Variants in SYNPO2 observed in about 807,000 individuals in gnomAD.
The protein encoded by SYNPO2 is synaptopodin-2.
A neutral mutation model predicts 85.0 loss-of-function variants in SYNPO2; 56 were observed. The observed-to-expected ratio is 0.66, with a 90% CI of 0.53 to 0.82. The LOEUF is 0.82. Among genes scored for constraint, SYNPO2 ranks in the 40% least tolerant of loss-of-function variants. SYNPO2 has a pLI of 0.00. For missense variants in SYNPO2, 1,575 were observed against 1,534.2 expected, an observed-to-expected ratio of 1.03 and a Z score of -0.44; for synonymous variants, 602 against 591.1, an observed-to-expected ratio of 1.02 and a Z score of -0.27.
At chr4:118,946,172 A>G (rs1734497066) in intron 1 of SYNPO2, among the ~76,000 whole-genome samples, 1 of 152,206 alleles carries the variant, frequency 6.6e-6, no homozygotes, top group Non-Finnish European at 1.5e-5. Context: ...TGAAAGAAAA[A>G]AAAAGGGAGG....
At chr4:118,935,003 T>C (rs1734053526) in intron 1 of SYNPO2, among the ~76,000 whole-genome samples, 1 of 152,204 alleles carries the variant, frequency 6.6e-6, no homozygotes, top group South Asian at 2.1e-4. Flanking sequence ...ATAGTTAAGA[T>C]AGTTATCCTA....
rs1739313205 is a variant in SYNPO2, at chr4:119,058,924, A to C, written c.*990A>C. The C allele has an allele frequency of 6.6e-6, 1 of 152,210 alleles. No homozygotes were observed. The highest frequency in any genetic ancestry group is 2.4e-5 in the African/African-American group (1 of 41,460). The allele number at this position is 152,210 out of a possible 1,614,324, so 9.4% of individuals were successfully genotyped here. On this transcript the variant is annotated 3_prime_UTR_variant, in exon 5 of 5. Coordinates refer to ENST00000307142, the MANE Select transcript of SYNPO2 (RefSeq NM_133477.3). Reference sequence around the variant, plus strand: ...TTGAGGAATGATGTGATGTGTAGAGAATAGAAAGATTTAGATATATGCCTG... The same window carrying C: ...TTGAGGAATGATGTGATGTGTAGAGCATAGAAAGATTTAGATATATGCCTG...
chr4:118,939,317 C>T (rs762364027), intron 1 of SYNPO2, among the ~76,000 whole-genome samples: 1 of 152,160 alleles, frequency 6.6e-6, no homozygotes, highest in Non-Finnish European at 1.5e-5. Flanking sequence ...AGAGCACAGT[C>T]TTAAGTTGCT....
rs933959574 is a variant in SYNPO2 at position 118,948,776 on chromosome 4, G to A, written c.105+59635G>A. On this transcript the variant is annotated intron_variant, in intron 1 of 4. Transcript: ENST00000307142. The stretch of plus-strand genomic sequence containing the variant: ...GCACCAAGACATTCATGAGTGATTC[G>A]TTCCCATGATCCAGACACCTCCCAC... Among the ~76,000 whole-genome samples the A allele has an allele frequency of 4.6e-5, 7 of 152,228 alleles. No homozygotes were observed. The South Asian group carries it at 1.0e-3, about 23-fold the overall frequency.
chr4:118,927,103 T>G (rs991011093), intron 1 of SYNPO2, among the ~76,000 whole-genome samples: 15 of 152,110 alleles, frequency 9.9e-5, no homozygotes, highest in Non-Finnish European at 2.1e-4. Context: ...TCCCTCTCCT[T>G]TTTTCTTTTC....
At chr4:118,998,593 A>G (rs1208881929) in intron 1 of SYNPO2, among the ~76,000 whole-genome samples, 1 of 152,200 alleles carries the variant, frequency 6.6e-6, no homozygotes, top group Non-Finnish European at 1.5e-5. Context: ...GTTACATCTC[A>G]CAGAGAAAGT....
intron 1 of SYNPO2, among the ~76,000 whole-genome samples, chr4:118,894,189 T>C (rs890342143): frequency 2.0e-5 from 3 of 151,964 alleles, no homozygotes; most frequent in African/African-American, 4.8e-5. Context: ...CCCATAGGGC[T>C]TGACGGGTGG....
chr4:118,888,623 A>G (rs779799619), upstream of SYNPO2, among the ~76,000 whole-genome samples: 78 of 152,314 alleles, frequency 5.1e-4, no homozygotes, highest in Middle Eastern at 3.4e-3. Flanking sequence ...AAGTTTTTCA[A>G]TCATACTTAT....
intron 1 of SYNPO2, among the ~76,000 whole-genome samples, chr4:118,914,217 A>T (rs1217103343): frequency 6.6e-6 from 1 of 152,182 alleles, no homozygotes; most frequent in Non-Finnish European, 1.5e-5. Context: ...TTTAATTTTA[A>T]ATAAATTGAA....
chr4:118,967,198 C>A (rs1465491807), intron 1 of SYNPO2, among the ~76,000 whole-genome samples: 1 of 152,162 alleles, frequency 6.6e-6, no homozygotes, highest in Non-Finnish European at 1.5e-5. Flanking sequence ...TTAGCTCCCA[C>A]TCTATACTGC....
intron 1 of SYNPO2, among the ~76,000 whole-genome samples, chr4:118,872,941 G>A (rs1006633521): frequency 6.6e-6 from 1 of 152,104 alleles, no homozygotes; most frequent in Non-Finnish European, 1.5e-5. Context: ...TTCTGTCTGA[G>A]TTGTTTCACT....
At chr4:118,886,417 G>A (rs796791995), upstream of SYNPO2, among the ~76,000 whole-genome samples, 29 of 152,060 alleles carry the variant, frequency 1.9e-4, no homozygotes, top group African/African-American at 5.1e-4. Context: ...CCCACCCTCC[G>A]ACAGGCCTCA....
At position 118,856,538 on chromosome 4, in the gene SYNPO2, T is replaced by A. The variant is rs544680323; in HGVS notation, c.12+5598T>A. Among the ~76,000 whole-genome samples the A allele has an allele frequency of 2.0e-5, 3 of 152,318 alleles. No individual in the cohort carries two copies. The South Asian group carries it at 6.2e-4, about 32-fold the overall frequency. On this transcript the variant is annotated intron_variant, in intron 1 of 4. Transcript: ENST00000610556. ...TTTTATTTTATTTCATTTTATTTTA[T>A]GTTTATTGACTTTTTTTTGAGACAG...
intron 1 of SYNPO2, among the ~76,000 whole-genome samples, chr4:118,917,427 CAAAG>C (rs1287697796): frequency 6.6e-6 from 1 of 151,892 alleles, no homozygotes; most frequent in Non-Finnish European, 1.5e-5. Flanking sequence ...ACAAAAAAAA[CAAAG>C]AAACAAACAA....
At chr4:119,004,288 C>A (rs1159074538) in intron 1 of SYNPO2, among the ~76,000 whole-genome samples, 1 of 151,978 alleles carries the variant, frequency 6.6e-6, no homozygotes, top group East Asian at 1.9e-4. Context: ...AGGTTTGTTA[C>A]ATATGTATAC....
rs139541806 is a variant in SYNPO2 at position 118,986,405 on chromosome 4, G to A, written c.106-37025G>A. ...AAATAAGTCCGACATGTTTAAAAAT[G>A]CCAATTCAAACTTGAATTTCTATGC... On this transcript the variant is annotated intron_variant, in intron 1 of 4. Coordinates refer to ENST00000307142, the MANE Select transcript of SYNPO2 (RefSeq NM_133477.3). Among the ~76,000 whole-genome samples the A allele has an allele frequency of 3.7e-3, 559 of 152,262 alleles. 3 individuals carry two copies. Among genetic ancestry groups the A allele is most frequent in the Middle Eastern group, 0.02 (6 of 294 alleles).
chr4:118,952,024 A>T (rs1734717443), intron 1 of SYNPO2, among the ~76,000 whole-genome samples: 1 of 152,178 alleles, frequency 6.6e-6, no homozygotes, highest in East Asian at 1.9e-4. Flanking sequence ...AGGCTTTCTC[A>T]GTCCCTTCTG....
chr4:118,973,718 A>AT (rs111254919), intron 1 of SYNPO2, among the ~76,000 whole-genome samples: 3 of 152,088 alleles, frequency 2.0e-5, no homozygotes, highest in African/African-American at 4.8e-5. Flanking sequence ...AAATAGCCAC[A>AT]TTTTTTTCTT....
At chr4:118,969,861 T>C (rs1735470665) in intron 1 of SYNPO2, among the ~76,000 whole-genome samples, 2 of 152,128 alleles carry the variant, frequency 1.3e-5, no homozygotes, top group South Asian at 2.1e-4. Flanking sequence ...GATGAGAACC[T>C]GGCCTCTTTA....
Sources: allele counts gnomAD v4.1 joint callset (sites outside exome capture counted in the v4.1 genomes callset), GRCh38; gene constraint gnomAD v4.1.1; transcripts MANE v1.5; gene names NCBI Gene and HGNC (gene_info 2026-07-23, HGNC 2026-07-21).